The following CSMD3 variants were observed in gnomAD, a reference collection of about 807,000 sequenced individuals.
The protein encoded by CSMD3 is CUB and Sushi multiple domains 3.
Under a neutral mutation model 435.2 loss-of-function variants are expected in CSMD3, and 177 were observed. The observed-to-expected ratio is 0.41, with a 90% CI of 0.36 to 0.46. The LOEUF (loss-of-function observed/expected upper bound fraction) is 0.46, where lower values mean the gene tolerates loss of function less well. CSMD3 is among the 20% of genes least tolerant of loss of function. The pLI is 0.34. For synonymous variants in CSMD3, 1,656 were observed against 1,520.5 expected, an observed-to-expected ratio of 1.09 and a Z score of -2.07; for missense variants, 4,265 against 4,504.6, an observed-to-expected ratio of 0.95 and a Z score of 1.52.
intron 12 of CSMD3, among the ~76,000 whole-genome samples, chr8:112,815,676 C>A (rs1252482764): frequency 6.6e-6 from 1 of 152,050 alleles, no homozygotes; most frequent in African/African-American, 2.4e-5. Flanking sequence ...TCATTTTAAA[C>A]AATTCAATGT....
At chr8:113,176,612 A>G (rs1054872153) in intron 3 of CSMD3, among the ~76,000 whole-genome samples, 2 of 152,144 alleles carry the variant, frequency 1.3e-5, no homozygotes, top group Non-Finnish European at 2.9e-5. Context: ...GATAGACTAG[A>G]TTTTAGATAA....
chr8:112,231,726 T>C (rs778019313), intron 68 of CSMD3, 94 bp from the exon 69 acceptor site: 6 of 837,754 alleles, frequency 7.2e-6, no homozygotes, highest in South Asian at 1.4e-5. Context: ...CTGAAAGAAA[T>C]ATTATCACAA....
intron 5 of CSMD3, among the ~76,000 whole-genome samples, chr8:113,076,197 C>T (rs962025595): frequency 2.0e-5 from 3 of 150,774 alleles, no homozygotes; most frequent in Non-Finnish European, 3.0e-5. Flanking sequence ...CTAATGGATA[C>T]TAGATAGATA....
intron 9 of CSMD3, among the ~76,000 whole-genome samples, chr8:112,927,681 C>A (rs773605722): frequency 5.9e-5 from 9 of 152,028 alleles, no homozygotes; most frequent in Non-Finnish European, 1.3e-4. Context: ...TCATCTCATA[C>A]CAAAACTTTT....
chr8:113,243,916 G>C (rs1260967814), intron 3 of CSMD3, among the ~76,000 whole-genome samples: 1 of 151,826 alleles, frequency 6.6e-6, no homozygotes, highest in Non-Finnish European at 1.5e-5. Flanking sequence ...TTGTAGAATG[G>C]GTATTGAAAA....
chr8:112,980,188 A>T (rs1274059478), intron 6 of CSMD3, among the ~76,000 whole-genome samples: 2 of 150,674 alleles, frequency 1.3e-5, no homozygotes, highest in African/African-American at 2.4e-5. Context: ...TATAGTTTAA[A>T]AATTTTATGT....
intron 5 of CSMD3, among the ~76,000 whole-genome samples, chr8:113,070,382 A>G (rs2089056346): frequency 1.3e-5 from 2 of 152,048 alleles, no homozygotes; most frequent in Admixed American, 6.6e-5. Flanking sequence ...ATTAAGTAGT[A>G]CATCAATAGT....
chr8:113,024,666 T>C, intron 5 of CSMD3, among the ~76,000 whole-genome samples: 1 of 152,196 alleles, frequency 6.6e-6, no homozygotes, highest in East Asian at 1.9e-4. Context: ...AAGTGATATC[T>C]CATTGTGGTA....
At chr8:112,877,410 G>C (rs2081315642) in intron 10 of CSMD3, among the ~76,000 whole-genome samples, 1 of 152,014 alleles carries the variant, frequency 6.6e-6, no homozygotes, top group East Asian at 2.0e-4. Context: ...GGAATAACAG[G>C]TGTGTGCCAC....
chr8:112,450,098 T>C (rs1816093925), intron 32 of CSMD3, among the ~76,000 whole-genome samples: 1 of 152,168 alleles, frequency 6.6e-6, no homozygotes, highest in African/African-American at 2.4e-5. Flanking sequence ...TCTGGGCATT[T>C]GTGTTTAATT....
At chr8:113,255,487 C>A (rs2061182110) in intron 3 of CSMD3, among the ~76,000 whole-genome samples, 1 of 151,824 alleles carries the variant, frequency 6.6e-6, no homozygotes, top group African/African-American at 2.4e-5. Context: ...CAAAACAATG[C>A]TTTTTTCAGT....
chr8:112,305,287 TAATTCA>T (rs1821317437), intron 51 of CSMD3, among the ~76,000 whole-genome samples: 1 of 152,272 alleles, frequency 6.6e-6, no homozygotes, highest in Admixed American at 6.5e-5. Flanking sequence ...CAACTTTAGC[TAATTCA>T]AAACTTTTTC....
At chr8:112,465,297 T>A (rs936500199) in intron 32 of CSMD3, among the ~76,000 whole-genome samples, 1 of 152,198 alleles carries the variant, frequency 6.6e-6, no homozygotes, top group East Asian at 1.9e-4. Flanking sequence ...TCCATCCAAT[T>A]ATCAGATAGT....
In CSMD3 at chr8:112,550,788, T is replaced by C. The variant is rs1356000571; in HGVS notation, c.4447A>G (p.Lys1483Glu). The C allele has an allele frequency of 1.2e-6, 2 of 1,608,974 alleles. No individual in the cohort carries two copies. The highest frequency in any genetic ancestry group is 1.7e-6 in the Non-Finnish European group (2 of 1,175,744). Reference sequence around the variant, plus strand: ...GGAATAAGAGATCCACTAATTTCCTTTAAAAGCATATCATTTTCTGGTGGA... The same window carrying C: ...GGAATAAGAGATCCACTAATTTCCTCTAAAAGCATATCATTTTCTGGTGGA... ...DGPPENDMLL[K>E]EISGSLIPEG... Residue 1483 changes from lysine (K) to glutamate (E), a missense_variant, in exon 27 of 71, where the codon AAG (lysine) becomes GAG (glutamate). By Grantham distance (56) the Lys-to-Glu change is moderately conservative. Around this residue, in one of 3 missense-constraint regions of CSMD3, gnomAD observed 3,255 missense variants for 3,380.2 expected, o/e 0.96. Transcript: ENST00000297405.
intron 14 of CSMD3, 106 bp downstream of exon 14, chr8:112,689,762 C>G: frequency 1.0e-6 from 1 of 956,706 alleles, no homozygotes; most frequent in Non-Finnish European, 1.7e-6. Context: ...GCTACTCACT[C>G]AAAAATAATT....
intron 59 of CSMD3, among the ~76,000 whole-genome samples, chr8:112,279,108 C>T (rs973774637): frequency 3.3e-5 from 5 of 152,106 alleles, no homozygotes; most frequent in African/African-American, 1.2e-4. Context: ...AGATCCACAA[C>T]TGGACTCAAT....
intron 13 of CSMD3, among the ~76,000 whole-genome samples, chr8:112,714,267 G>T (rs1207992072): frequency 6.6e-6 from 1 of 151,832 alleles, no homozygotes; most frequent in Non-Finnish European, 1.5e-5. Flanking sequence ...AAAAGCAGGG[G>T]TTGCAATGTT....
intron 11 of CSMD3, among the ~76,000 whole-genome samples, chr8:112,840,247 G>A (rs891768308): frequency 2.0e-5 from 3 of 151,694 alleles, no homozygotes; most frequent in Non-Finnish European, 4.4e-5. Context: ...AAAGGTCACC[G>A]GTATTTTGAT....
intron 38 of CSMD3, among the ~76,000 whole-genome samples, chr8:112,363,447 A>G (rs1046074110): frequency 6.6e-6 from 1 of 151,946 alleles, no homozygotes; most frequent in Admixed American, 6.6e-5. Flanking sequence ...AAATATTTAT[A>G]TAAAGCACCA....
Sources: allele counts gnomAD v4.1 joint callset (sites outside exome capture counted in the v4.1 genomes callset), GRCh38; gene constraint gnomAD v4.1.1; regional missense constraint gnomAD v4.1.1; transcripts MANE v1.5; gene names NCBI Gene and HGNC (gene_info 2026-07-23, HGNC 2026-07-21).